TTC28: variants seen among roughly 807,000 people sequenced by gnomAD.
TTC28 encodes the protein tetratricopeptide repeat domain 28, also known as tetratricopeptide repeat protein 28.
In TTC28, 61 loss-of-function variants were observed where a neutral mutation model predicts 198.0. That is an observed-to-expected ratio of 0.31 (90% confidence interval 0.25 to 0.38). The LOEUF is 0.38. TTC28 is among the 10% of genes least tolerant of loss of function. The pLI is 1.00. For synonymous variants in TTC28, 1,171 were observed against 1,297.8 expected (o/e 0.90, Z 2.10); for missense variants, 2,678 against 3,164.0 (o/e 0.85, Z 3.69).
At chr22:28,630,412 C>T (rs747296346) in intron 1 of TTC28, among the ~76,000 whole-genome samples, 7 of 152,142 alleles carry the variant, frequency 4.6e-5, no homozygotes, top group Non-Finnish European at 1.5e-5. Flanking sequence ...ATCTTCTTGC[C>T]TCAGCCTTTT....
At chr22:28,242,714 G>T (rs1280848774) in intron 5 of TTC28, among the ~76,000 whole-genome samples, 1 of 151,938 alleles carries the variant, frequency 6.6e-6, no homozygotes, top group Non-Finnish European at 1.5e-5. Context: ...TATTTTAAAA[G>T]ATTTTTTTCC....
chr22:28,398,300 A>G (rs1326431710), intron 2 of TTC28, among the ~76,000 whole-genome samples: 2 of 152,070 alleles, frequency 1.3e-5, no homozygotes, highest in Non-Finnish European at 2.9e-5. Context: ...AGAGGGGGCC[A>G]CTGTGGATTA....
At chr22:28,567,217 GA>G (rs962703897) in intron 2 of TTC28, among the ~76,000 whole-genome samples, 1,701 of 83,078 alleles carry the variant, frequency 0.02, 16 homozygotes, top group East Asian at 0.033. Context: ...CTCCATCTCG[GA>G]AAAAAAAAAA....
chr22:28,174,801 T>A (rs1385091273), intron 5 of TTC28, among the ~76,000 whole-genome samples: 5 of 152,042 alleles, frequency 3.3e-5, no homozygotes, highest in African/African-American at 1.2e-4. Flanking sequence ...TCAACACAGG[T>A]ACAATTAGGT....
At chr22:27,993,647 C>T (rs1222823054) in intron 17 of TTC28, 129 bp from the exon 18 acceptor site, 2 of 909,184 alleles carry the variant, frequency 2.2e-6, no homozygotes, top group Admixed American at 5.8e-5. Context: ...GCCCACGTGG[C>T]CAGGCCTGAG....
intron 2 of TTC28, among the ~76,000 whole-genome samples, chr22:28,522,986 A>C (rs532275451): frequency 6.6e-6 from 1 of 152,350 alleles, no homozygotes; most frequent in Non-Finnish European, 1.5e-5. Flanking sequence ...AACTCCATGA[A>C]TACATAAAAA....
chr22:28,567,430 T>A (rs2049989341), intron 2 of TTC28, among the ~76,000 whole-genome samples: 1 of 135,494 alleles, frequency 7.4e-6, no homozygotes, highest in African/African-American at 2.7e-5. Context: ...CACTCACATA[T>A]ATACACACAT....
At chr22:28,283,970 C>A (rs1384372426) in intron 5 of TTC28, among the ~76,000 whole-genome samples, 3 of 152,118 alleles carry the variant, frequency 2.0e-5, no homozygotes, top group Non-Finnish European at 4.4e-5. Context: ...GACAACTTCT[C>A]CAGCTCTGAG....
At chr22:28,264,053 T>C (rs1931512164) in intron 5 of TTC28, among the ~76,000 whole-genome samples, 3 of 152,084 alleles carry the variant, frequency 2.0e-5, no homozygotes, top group Admixed American at 2.0e-4. Flanking sequence ...AGGTTATTGC[T>C]TTGGCCATGT....
intron 12 of TTC28, among the ~76,000 whole-genome samples, chr22:28,055,849 T>C (rs1299694704): frequency 6.6e-6 from 1 of 152,154 alleles, no homozygotes; most frequent in African/African-American, 2.4e-5. Context: ...CCCTAGGCCC[T>C]ACTCACATTC....
At chr22:28,500,303 C>T (rs1428004230) in intron 2 of TTC28, among the ~76,000 whole-genome samples, 1 of 152,158 alleles carries the variant, frequency 6.6e-6, no homozygotes, top group East Asian at 1.9e-4. Flanking sequence ...TTGTGTCTAG[C>T]TTCTTTCACC....
chr22:28,304,618 G>A (rs2145804219), intron 3 of TTC28, among the ~76,000 whole-genome samples: 1 of 152,228 alleles, frequency 6.6e-6, no homozygotes, highest in East Asian at 1.9e-4. Flanking sequence ...CCCTAAGGGC[G>A]ACAGCAGCTC....
intron 2 of TTC28, among the ~76,000 whole-genome samples, chr22:28,458,493 C>A (rs1281810724): frequency 1.3e-5 from 2 of 152,086 alleles, no homozygotes; most frequent in African/African-American, 4.8e-5. Context: ...TTAAACAAAT[C>A]AGAATGTGGT....
intron 6 of TTC28, among the ~76,000 whole-genome samples, chr22:28,152,544 T>C (rs2147021622): frequency 6.6e-6 from 1 of 152,230 alleles, no homozygotes; most frequent in South Asian, 2.1e-4. Flanking sequence ...CTCTGAATCG[T>C]CATCACTAAA....
intron 5 of TTC28, among the ~76,000 whole-genome samples, chr22:28,289,515 T>A (rs988540346): frequency 6.6e-6 from 1 of 152,148 alleles, no homozygotes; most frequent in African/African-American, 2.4e-5. Flanking sequence ...ACCTCCCCTA[T>A]TAAGCATCTG....
At chr22:28,314,367 A>G (rs1477145517) in intron 2 of TTC28, among the ~76,000 whole-genome samples, 1 of 152,220 alleles carries the variant, frequency 6.6e-6, no homozygotes, top group African/African-American at 2.4e-5. Context: ...AAACTACTTT[A>G]AAGTTCATAT....
rs1937108800 is a variant in TTC28 at position 27,983,835 on chromosome 22, G to A, written c.5832C>T (p.Pro1944=). ...AGGAGCTGTCAAGGCTGAGGCGCTT[G>A]GGTAGCTCAGTAGAATCTAAGCACA... is the stretch of plus-strand genomic sequence containing the variant. ...LLSLFDSTEL[P]KRLSLDSSSS... The change falls in exon 23 of 23, where the codon CCC becomes CCT. Residue 1944 remains proline, a synonymous_variant. Coordinates refer to ENST00000397906, the MANE Select transcript of TTC28 (RefSeq NM_001145418.2). 1.3e-6 allele frequency: 2 copies of A among 1,551,062 alleles called. No homozygotes were observed. The highest frequency in any genetic ancestry group is 1.7e-6 in the Non-Finnish European group (2 of 1,146,844).
rs541604658 is a variant in TTC28 at position 28,175,201 on chromosome 22, G to C, written c.934-11602C>G. 3.9e-5 allele frequency among the ~76,000 whole-genome samples: 6 copies of C among 152,166 alleles called. No homozygotes were observed. The South Asian group carries it at 1.2e-3, about 32-fold the overall frequency. On this transcript the variant is annotated intron_variant, in intron 5 of 22. Coordinates refer to ENST00000397906, the MANE Select transcript of TTC28 (RefSeq NM_001145418.2). ...TGAAAAAGCTTCATGATATTGGGCTGGGCAAGGATTTTTAAAACATGAGCT... is the reference window on the plus strand; with the variant it reads ...TGAAAAAGCTTCATGATATTGGGCTCGGCAAGGATTTTTAAAACATGAGCT...
intron 13 of TTC28, among the ~76,000 whole-genome samples, chr22:28,016,182 C>T (rs1938367531): frequency 6.6e-6 from 1 of 152,168 alleles, no homozygotes; most frequent in South Asian, 2.1e-4. Context: ...CCTGGCCTCA[C>T]TCACTCTGGA....
Sources: gnomAD v4.1 joint callset for allele counts (sites outside exome capture counted in the v4.1 genomes callset) on GRCh38, gnomAD v4.1.1 for gene constraint, MANE v1.5 for transcripts, NCBI Gene and HGNC (gene_info 2026-07-23, HGNC 2026-07-21) for gene names.